The following AGBL4 variants were observed in gnomAD, a reference collection of about 807,000 sequenced individuals.
AGBL4 encodes the protein AGBL carboxypeptidase 4, also known as cytosolic carboxypeptidase 6.
AGBL4 carries 58 observed loss-of-function variants against 66.4 expected under a neutral mutation model. The ratio of observed to expected loss-of-function variants is 0.87; its 90% CI spans 0.71 to 1.09. The LOEUF is 1.09. Among genes scored for constraint, AGBL4 ranks in the 50% least tolerant of loss-of-function variants. The pLI is 0.00. For missense variants in AGBL4, 579 were observed against 631.0 expected, an observed-to-expected ratio of 0.92 and a Z score of 0.88; for synonymous variants, 234 against 222.9, an observed-to-expected ratio of 1.05 and a Z score of -0.44.
intron 5 of AGBL4, among the ~76,000 whole-genome samples, chr1:48,901,977 G>A (rs367577529): frequency 1.1e-4 from 17 of 152,260 alleles, no homozygotes; most frequent in East Asian, 5.8e-4. Flanking sequence ...TGAAGGGCAC[G>A]TCTTACATGG....
rs538719952 is a variant in AGBL4 at position 48,809,624 on chromosome 1, T to A, written c.634+57567A>T. Among the ~76,000 whole-genome samples the A allele has an allele frequency of 2.6e-4, 39 of 152,286 alleles. 1 individual carries two copies. Among genetic ancestry groups the A allele is most frequent in the African/African-American group, 8.9e-4 (37 of 41,560 alleles). The stretch of plus-strand genomic sequence containing the variant: ...AGTCCTGCCTTAACAGGTAGAGGAA[T>A]GAGGCAGCAAACCACATGTGATTAT... On this transcript the variant is annotated intron_variant, in intron 6 of 13. Coordinates refer to ENST00000371839, the MANE Select transcript of AGBL4 (RefSeq NM_032785.4).
intron 11 of AGBL4, among the ~76,000 whole-genome samples, chr1:48,566,686 T>A (rs1459060786): frequency 6.6e-6 from 1 of 152,248 alleles, no homozygotes; most frequent in Non-Finnish European, 1.5e-5. Context: ...TGGGTGGGCC[T>A]CATTCAATCA....
intron 9 of AGBL4, among the ~76,000 whole-genome samples, chr1:48,627,133 G>A (rs1426936246): frequency 6.6e-6 from 1 of 152,046 alleles, no homozygotes; most frequent in Non-Finnish European, 1.5e-5. Flanking sequence ...TGGACACTCG[G>A]GTCCCTTGGT....
intron 3 of AGBL4, among the ~76,000 whole-genome samples, chr1:49,354,785 T>G (rs573418716): frequency 3.3e-5 from 5 of 152,306 alleles, no homozygotes; most frequent in African/African-American, 1.2e-4. Context: ...TCAAAATACT[T>G]CTAATATTAA....
intron 4 of AGBL4, among the ~76,000 whole-genome samples, chr1:49,140,164 G>A (rs1442691232): frequency 2.6e-5 from 4 of 152,156 alleles, no homozygotes; most frequent in Non-Finnish European, 5.9e-5. Flanking sequence ...TTTTTTGACT[G>A]AGTGTTAGGC....
chr1:49,648,166 TAAGA>T (rs750471236), intron 3 of AGBL4, among the ~76,000 whole-genome samples: 27 of 152,114 alleles, frequency 1.8e-4, no homozygotes, highest in Non-Finnish European at 2.9e-4. Context: ...ATAAAAACTT[TAAGA>T]AAGAACAACA....
chr1:49,597,107 C>A (rs1644867008), intron 3 of AGBL4, among the ~76,000 whole-genome samples: 1 of 152,112 alleles, frequency 6.6e-6, no homozygotes, highest in Admixed American at 6.6e-5. Context: ...CCCTTAGAGC[C>A]AAGATGTGCA....
chr1:49,874,559 G>A (rs1462748529), intron 1 of AGBL4, among the ~76,000 whole-genome samples: 1 of 152,048 alleles, frequency 6.6e-6, no homozygotes, highest in Non-Finnish European at 1.5e-5. Context: ...AAAATTAAAA[G>A]TATAAATATT....
At chr1:49,721,174 GA>G (rs1442034622) in intron 2 of AGBL4, among the ~76,000 whole-genome samples, 2 of 151,924 alleles carry the variant, frequency 1.3e-5, no homozygotes, top group Non-Finnish European at 2.9e-5. Flanking sequence ...AGGGAGGATT[GA>G]AAAAAAGGCA....
At chr1:48,977,479 G>T (rs922342033) in intron 5 of AGBL4, among the ~76,000 whole-genome samples, 4 of 152,084 alleles carry the variant, frequency 2.6e-5, no homozygotes, top group African/African-American at 9.7e-5. Flanking sequence ...CTCACACAGT[G>T]AGAACATAGA....
chr1:49,771,209 G>C (rs919292238), intron 2 of AGBL4, among the ~76,000 whole-genome samples: 3 of 151,778 alleles, frequency 2.0e-5, no homozygotes, highest in Non-Finnish European at 4.4e-5. Context: ...TTCCATTCTT[G>C]TTTGTCTCAA....
At chr1:49,931,487 G>C (rs921945210) in intron 1 of AGBL4, among the ~76,000 whole-genome samples, 1 of 152,068 alleles carries the variant, frequency 6.6e-6, no homozygotes, top group African/African-American at 2.4e-5. Flanking sequence ...AGAAGAGAGA[G>C]AGCAAGACGG....
chr1:49,187,065 G>T (rs1647027990), intron 4 of AGBL4, among the ~76,000 whole-genome samples: 1 of 152,206 alleles, frequency 6.6e-6, no homozygotes, highest in African/African-American at 2.4e-5. Flanking sequence ...GCTTTAGCCA[G>T]CATTCATAAA....
chr1:48,741,169 C>T (rs1264823173), intron 6 of AGBL4, among the ~76,000 whole-genome samples: 4 of 152,194 alleles, frequency 2.6e-5, no homozygotes, highest in African/African-American at 9.7e-5. Context: ...AGTCACTCCA[C>T]AATGTGTTCA....
At chr1:49,686,254 C>T (rs1168554459) in intron 3 of AGBL4, among the ~76,000 whole-genome samples, 5 of 152,074 alleles carry the variant, frequency 3.3e-5, no homozygotes, top group Admixed American at 6.6e-5. Context: ...ACCCCCGCCA[C>T]GGCCCCACTG....
chr1:49,298,343 C>A (rs1199821982), intron 3 of AGBL4, among the ~76,000 whole-genome samples: 1 of 152,210 alleles, frequency 6.6e-6, no homozygotes, highest in Non-Finnish European at 1.5e-5. Flanking sequence ...CAGATCTCCC[C>A]TCTCCCCCCA....
intron 3 of AGBL4, among the ~76,000 whole-genome samples, chr1:49,371,059 C>A (rs1438232545): frequency 6.6e-6 from 1 of 152,104 alleles, no homozygotes; most frequent in African/African-American, 2.4e-5. Flanking sequence ...CACCATCAGC[C>A]AGTTTTTGGA....
At chr1:49,361,008 G>T (rs907537744) in intron 3 of AGBL4, among the ~76,000 whole-genome samples, 2 of 151,956 alleles carry the variant, frequency 1.3e-5, no homozygotes, top group African/African-American at 4.8e-5. Context: ...GTGTTGGCCA[G>T]GCTGCTCTCG....
In AGBL4 at chr1:49,865,697, TCTC is replaced by T. The variant is rs541240756; in HGVS notation, c.35-14182_35-14180del. ...AAACTCAAAAAGCCAGAGTTCCTCC[TCTC>T]CTCCAAATGATTGCAACATCTCTCC... On this transcript the variant is annotated intron_variant, in intron 1 of 13. Transcript: ENST00000371839. 1.3e-4 allele frequency among the ~76,000 whole-genome samples: 20 copies of T among 152,182 alleles called. No homozygotes were observed. The East Asian group carries it at 3.7e-3, about 28-fold the overall frequency.
Sources: gnomAD v4.1 joint callset for allele counts (sites outside exome capture counted in the v4.1 genomes callset) on GRCh38, gnomAD v4.1.1 for gene constraint, MANE v1.5 for transcripts, NCBI Gene and HGNC (gene_info 2026-07-23, HGNC 2026-07-21) for gene names.